The following DDI2 variants were observed in gnomAD, a reference collection of about 807,000 sequenced individuals.
The protein encoded by DDI2 is DDI proteasomal shuttling factor 2.
A neutral mutation model predicts 48.1 loss-of-function variants in DDI2; 5 were observed. That is an observed-to-expected ratio of 0.10 (90% confidence interval 0.05 to 0.22). The LOEUF (loss-of-function observed/expected upper bound fraction) is 0.22. Ranked by LOEUF, DDI2 falls within the 10% of genes least tolerant of loss-of-function variation. The pLI, the probability that DDI2 is intolerant of heterozygous loss-of-function variation, is 1.00. For synonymous variants in DDI2, 205 were observed against 183.6 expected, an observed-to-expected ratio of 1.12 and a Z score of -0.94; for missense variants, 285 against 506.2, an observed-to-expected ratio of 0.56 and a Z score of 4.19.
chr1:15,637,921 T>G (rs556667441), intron 4 of DDI2, among the ~76,000 whole-genome samples: 5 of 152,310 alleles, frequency 3.3e-5, no homozygotes, highest in South Asian at 2.1e-4. Context: ...TTGTGAACTT[T>G]TTGTAATGTT....
chr1:15,635,620 G>T (rs897852620), intron 4 of DDI2, among the ~76,000 whole-genome samples: 1 of 152,130 alleles, frequency 6.6e-6, no homozygotes, highest in African/African-American at 2.4e-5. Flanking sequence ...GGCCAGGCTG[G>T]TCTCAAACTC....
chr1:15,632,132 C>G (rs1639855885), intron 3 of DDI2, among the ~76,000 whole-genome samples: 1 of 152,154 alleles, frequency 6.6e-6, no homozygotes, highest in Non-Finnish European at 1.5e-5. Flanking sequence ...CAACTTAATG[C>G]TTTTTAGATC....
intron 8 of DDI2, among the ~76,000 whole-genome samples, chr1:15,654,185 C>T (rs988604827): frequency 1.3e-5 from 2 of 152,048 alleles, no homozygotes; most frequent in African/African-American, 4.8e-5. Flanking sequence ...ATCCTAAAGA[C>T]GAAAGTGGTA....
intron 1 of DDI2, among the ~76,000 whole-genome samples, chr1:15,618,954 C>G (rs771736157): frequency 6.6e-6 from 1 of 152,078 alleles, no homozygotes; most frequent in Non-Finnish European, 1.5e-5. Flanking sequence ...AAGTATGATT[C>G]CTTTACACAA....
intron 3 of DDI2, among the ~76,000 whole-genome samples, chr1:15,633,033 C>T (rs59646363): frequency 0.036 from 5,464 of 151,366 alleles, 329 homozygotes; most frequent in African/African-American, 0.13. Context: ...GCCATCCCCC[C>T]ACCCTTGAAC....
intron 5 of DDI2, among the ~76,000 whole-genome samples, chr1:15,638,748 T>TGG (rs747874289): frequency 6.6e-6 from 1 of 152,114 alleles, no homozygotes; most frequent in Non-Finnish European, 1.5e-5. Flanking sequence ...TTGGTCAGGC[T>TGG]GGTCTTGAAC....
Position 15,660,944 on chromosome 1 carries a change from T to C in DDI2, c.*1154T>C. ...TCTATAACGGCAGCCTTGAAAGAAC[T>C]TCATGAACTTTTGGTTGTTAGCAGT... On this transcript the variant is annotated 3_prime_UTR_variant, in exon 10 of 10. Transcript: ENST00000480945. 1 of 1,613,302 alleles carries C rather than the reference T, an allele frequency of 6.2e-7. No homozygotes were observed. Among genetic ancestry groups the C allele is most frequent in the Non-Finnish European group, 8.5e-7 (1 of 1,179,752 alleles).
chr1:15,622,718 A>T (rs1238954007), intron 1 of DDI2, among the ~76,000 whole-genome samples: 8 of 152,150 alleles, frequency 5.3e-5, no homozygotes, highest in Non-Finnish European at 1.5e-5. Context: ...ATAGATACTG[A>T]ATGTTTGGTT....
In DDI2 at chr1:15,663,701, A is replaced by G. The variant is rs967660519; in HGVS notation, c.*3911A>G. Reference sequence around the variant, plus strand: ...TAGTTGGTGCTATGATTGATGCAAAATCTAGTAGCAATGCAATGGGACCCT... The same window carrying G: ...TAGTTGGTGCTATGATTGATGCAAAGTCTAGTAGCAATGCAATGGGACCCT... On this transcript the variant is annotated 3_prime_UTR_variant, in exon 10 of 10. Coordinates refer to ENST00000480945, the MANE Select transcript of DDI2 (RefSeq NM_032341.5). 1.3e-5 allele frequency: 2 copies of G among 151,494 alleles called. No homozygotes were observed. The highest frequency in any genetic ancestry group is 2.9e-5 in the Non-Finnish European group (2 of 67,912). The allele number at this position is 151,494 out of a possible 1,614,324, so 9.4% of individuals were successfully genotyped here.
intron 8 of DDI2, among the ~76,000 whole-genome samples, chr1:15,654,135 C>A (rs774284327): frequency 6.6e-6 from 1 of 152,088 alleles, no homozygotes; most frequent in Non-Finnish European, 1.5e-5. Flanking sequence ...TTTTCTAGTA[C>A]AGTAAATTAT....
intron 6 of DDI2, among the ~76,000 whole-genome samples, chr1:15,646,122 G>T (rs957443958): frequency 6.6e-6 from 1 of 152,214 alleles, no homozygotes; most frequent in Non-Finnish European, 1.5e-5. Flanking sequence ...TAAGCCTCTA[G>T]TCTGCTACTG....
At chr1:15,624,464 T>G (rs1639720954) in intron 1 of DDI2, among the ~76,000 whole-genome samples, 1 of 152,048 alleles carries the variant, frequency 6.6e-6, no homozygotes, top group Non-Finnish European at 1.5e-5. Context: ...GGTTCTTTTT[T>G]TGTTTGTTTT....
At chr1:15,633,048 A>G (rs1323199429) in intron 3 of DDI2, among the ~76,000 whole-genome samples, 2 of 146,138 alleles carry the variant, frequency 1.4e-5, no homozygotes, top group Non-Finnish European at 3.0e-5. Context: ...TTGAACCCCC[A>G]TCCAACAGTA....
At position 15,650,846 on chromosome 1, in the gene DDI2, CTATT is replaced by C. The variant is rs370118711; in HGVS notation, c.994-838_994-835del. Among the ~76,000 whole-genome samples the C allele has an allele frequency of 8.8e-3, 1,332 of 151,958 alleles. 17 individuals carry two copies. The highest frequency in any genetic ancestry group is 0.029 in the African/African-American group (1,217 of 41,456). Reference sequence around the variant, plus strand: ...CATATTGATAATAAGACACAGCATTCTATTTATTTATTTATTTATTTATTTTGAG... The same window carrying C: ...CATATTGATAATAAGACACAGCATTCTATTTATTTATTTATTTATTTTGAG... On this transcript the variant is annotated intron_variant, in intron 7 of 9. Coordinates refer to ENST00000480945, the MANE Select transcript of DDI2 (RefSeq NM_032341.5).
intron 3 of DDI2, among the ~76,000 whole-genome samples, chr1:15,632,305 G>A (rs1039633690): frequency 9.2e-5 from 14 of 151,930 alleles, no homozygotes; most frequent in Non-Finnish European, 1.6e-4. Context: ...GGCCGGGCAC[G>A]GTGGATCACC....
chr1:15,647,420 ATTACAG>A (rs1157341597), intron 6 of DDI2, among the ~76,000 whole-genome samples: 16 of 152,270 alleles, frequency 1.1e-4, no homozygotes, highest in African/African-American at 2.9e-4. Context: ...AAGTGCTGGG[ATTACAG>A]GCGTGAGCTG....
rs970742370 is a variant in DDI2, at chr1:15,660,315, A to G, written c.*525A>G. 6.2e-7 allele frequency: 1 copy of G among 1,614,186 alleles called. No homozygotes were observed. Among genetic ancestry groups the G allele is most frequent in the South Asian group, 1.1e-5 (1 of 91,086 alleles). On this transcript the variant is annotated 3_prime_UTR_variant, in exon 10 of 10. Transcript: ENST00000480945. ...ATGAACCACAGATGTTTCTAGGTGA[A>G]AAGGATTGGCATCCAGAAAATCAGA... is the stretch of plus-strand genomic sequence containing the variant.
Position 15,645,863 on chromosome 1 carries a change from G to A in DDI2, c.889+2213G>A, listed in dbSNP as rs1250161075. Among the ~76,000 whole-genome samples, 4 of 120,722 alleles carry A rather than the reference G, an allele frequency of 3.3e-5. No individual in the cohort carries two copies. The East Asian group carries it at 6.4e-4, about 19-fold the overall frequency. The allele number at this position is 120,722 out of a possible 152,430, so 79.2% of individuals were successfully genotyped here. A position where few individuals can be genotyped will look rare whatever the true frequency, so the allele number is the denominator to read the frequency against. ...CCAGCTTGGATGACAATGAGAACTC[G>A]TCTCAAAAAAAAAAAAAAAAAGAGT... On this transcript the variant is annotated intron_variant, in intron 6 of 9. Coordinates refer to ENST00000480945, the MANE Select transcript of DDI2 (RefSeq NM_032341.5).
intron 2 of DDI2, among the ~76,000 whole-genome samples, chr1:15,627,561 T>C (rs941199524): frequency 1.3e-5 from 2 of 152,202 alleles, no homozygotes; most frequent in Non-Finnish European, 2.9e-5. Flanking sequence ...ACTGAAATAA[T>C]ATGCAGAATT....
Sources: gnomAD v4.1 joint callset for allele counts (sites outside exome capture counted in the v4.1 genomes callset) on GRCh38, gnomAD v4.1.1 for gene constraint, MANE v1.5 for transcripts, NCBI Gene and HGNC (gene_info 2026-07-23, HGNC 2026-07-21) for gene names.